The following PPP1R9A variants were observed in gnomAD, a reference collection of about 807,000 sequenced individuals.
PPP1R9A encodes protein phosphatase 1 regulatory subunit 9A.
A neutral mutation model predicts 141.9 loss-of-function variants in PPP1R9A; 59 were observed. The ratio of observed to expected loss-of-function variants is 0.42; its 90% CI spans 0.34 to 0.52. The LOEUF is 0.52. Ranked by LOEUF, PPP1R9A falls within the 20% of genes least tolerant of loss-of-function variation. The probability of loss-of-function intolerance (pLI) is 0.10; values close to 1 mark genes in which losing one functional copy is unlikely to be tolerated. For synonymous variants in PPP1R9A, 500 were observed against 569.7 expected (o/e 0.88, Z 1.74); for missense variants, 1,444 against 1,611.9 (o/e 0.90, Z 1.78).
intron 2 of PPP1R9A, among the ~76,000 whole-genome samples, chr7:94,975,503 T>A (rs541141619): frequency 6.6e-6 from 1 of 152,058 alleles, no homozygotes; most frequent in African/African-American, 2.4e-5. Flanking sequence ...TTGAATCCCT[T>A]GAAATATAAC....
chr7:94,945,876 T>C (rs757118391), intron 2 of PPP1R9A, among the ~76,000 whole-genome samples: 1 of 152,074 alleles, frequency 6.6e-6, no homozygotes, highest in Non-Finnish European at 1.5e-5. Context: ...AATTTTAATA[T>C]ACTTTACTAG....
rs770998027 is a variant in PPP1R9A, at chr7:95,225,979, G to A, written c.1975G>A (p.Asp659Asn). The change falls in exon 8 of 20, where the codon GAT becomes AAT. Residue 659 changes from aspartate to asparagine, a missense_variant. Physicochemically the swap from Asp to Asn is conservative, Grantham distance 23 (BLOSUM62 1). Around this residue, in one of 5 missense-constraint regions of PPP1R9A, gnomAD observed 488 missense variants for 542.0 expected, o/e 0.90. Coordinates refer to ENST00000433360, the MANE Select transcript of PPP1R9A (RefSeq NM_001166160.2). Reference sequence around the variant, plus strand: ...CTTTCAGACAGGAGAATATGCCACAGATGAAGAAGAAGATGAGGTAGGACC... The same window carrying A: ...CTTTCAGACAGGAGAATATGCCACAAATGAAGAAGAAGATGAGGTAGGACC... ...YFLKTGEYAT[D>N]EEEDEVGPVL... 1.9e-6 allele frequency: 3 copies of A among 1,608,114 alleles called. No individual in the cohort carries two copies. In the South Asian group the frequency reaches 3.3e-5, roughly 18 times the overall value.
intron 3 of PPP1R9A, among the ~76,000 whole-genome samples, chr7:95,113,661 T>A (rs2152455418): frequency 6.6e-6 from 1 of 152,290 alleles, no homozygotes; most frequent in African/African-American, 2.4e-5. Context: ...AGGATGGTGA[T>A]CCAAGAATCC....
intron 2 of PPP1R9A, among the ~76,000 whole-genome samples, chr7:94,939,259 T>A (rs1306686169): frequency 6.6e-6 from 1 of 152,078 alleles, no homozygotes; most frequent in Non-Finnish European, 1.5e-5. Flanking sequence ...AATTAATATG[T>A]CAAGACACTT....
intron 2 of PPP1R9A, among the ~76,000 whole-genome samples, chr7:95,008,825 C>A (rs1177183013): frequency 6.6e-6 from 1 of 152,082 alleles, no homozygotes; most frequent in Non-Finnish European, 1.5e-5. Flanking sequence ...GATTATAAAT[C>A]ATGCTACTAT....
chr7:94,944,089 C>T (rs1795624485), intron 2 of PPP1R9A, among the ~76,000 whole-genome samples: 1 of 152,030 alleles, frequency 6.6e-6, no homozygotes, highest in Non-Finnish European at 1.5e-5. Flanking sequence ...TGTATACAAT[C>T]CCTAGTGATC....
intron 2 of PPP1R9A, among the ~76,000 whole-genome samples, chr7:94,932,893 T>A (rs992552508): frequency 2.0e-4 from 31 of 151,646 alleles, no homozygotes; most frequent in African/African-American, 5.8e-4. Context: ...GCAGTAAATA[T>A]ATGTGGAACA....
At chr7:95,296,407 T>C (rs1807106654), downstream of PPP1R9A, 1 of 152,658 alleles carries the variant, frequency 6.6e-6, no homozygotes, top group Non-Finnish European at 1.5e-5. Context: ...CTGAGGTCTG[T>C]TGAAGCAATT....
Position 95,120,764 on chromosome 7 carries a change from T to A in PPP1R9A, c.1581T>A (p.Ala527=). 1.2e-6 allele frequency: 2 copies of A among 1,614,114 alleles called. No individual in the cohort carries two copies. The highest frequency in any genetic ancestry group is 1.7e-6 in the Non-Finnish European group (2 of 1,179,972). Residue 527 remains alanine, a synonymous_variant, in exon 4 of 20, where the codon GCT becomes GCA. Coordinates refer to ENST00000433360, the MANE Select transcript of PPP1R9A (RefSeq NM_001166160.2). ...SIIGMGVGAD[A]GLEKLGIFVK... is the part of the protein sequence containing the mutation. ...TTGGAATGGGTGTTGGAGCAGATGC[T>A]GGACTTGAAAAGCTGGGAATATTCG... is the stretch of plus-strand genomic sequence containing the variant.
chr7:95,044,279 C>G (rs1019817427), intron 2 of PPP1R9A, among the ~76,000 whole-genome samples: 1 of 152,220 alleles, frequency 6.6e-6, no homozygotes, highest in African/African-American at 2.4e-5. Context: ...GGACTTCCCT[C>G]TACTTTCTCC....
chr7:94,988,150 A>G (rs777615578), intron 2 of PPP1R9A, among the ~76,000 whole-genome samples: 31 of 152,230 alleles, frequency 2.0e-4, no homozygotes, highest in Middle Eastern at 6.8e-3. Flanking sequence ...CTTTATTACA[A>G]TTAAAATACC....
In PPP1R9A at chr7:95,282,975, A is replaced by G. The variant is rs538173417; in HGVS notation, c.3297-1043A>G. The stretch of plus-strand genomic sequence containing the variant: ...AGATGTAAGAAGACTGAAATTCAGT[A>G]TACATGTGGTGGGACAGAAGTTGTC... On this transcript the variant is annotated intron_variant, in intron 16 of 19. Transcript: ENST00000433360. Among the ~76,000 whole-genome samples, 4 of 152,324 alleles carry G rather than the reference A, an allele frequency of 2.6e-5. No individual in the cohort carries two copies. The South Asian group carries it at 8.3e-4, about 32-fold the overall frequency.
chr7:95,205,724 A>G (rs772991363), intron 7 of PPP1R9A, among the ~76,000 whole-genome samples: 8 of 152,122 alleles, frequency 5.3e-5, no homozygotes, highest in South Asian at 2.1e-4. Flanking sequence ...TTTAAGTTTC[A>G]TCTCCTTCAC....
At chr7:95,163,782 C>G (rs1422891515) in intron 5 of PPP1R9A, among the ~76,000 whole-genome samples, 1 of 152,076 alleles carries the variant, frequency 6.6e-6, no homozygotes, top group Middle Eastern at 3.2e-3. Context: ...CTCTGTCACC[C>G]AGGCTGGAGT....
chr7:94,912,702 T>C lies in PPP1R9A; in HGVS notation c.1395+1194T>C, dbSNP rs551412895. 2.6e-5 allele frequency among the ~76,000 whole-genome samples: 4 copies of C among 152,354 alleles called. No homozygotes were observed. In the South Asian group the frequency reaches 8.3e-4, roughly 32 times the overall value. ...ACTATTCTGAAATAAAGTAATAATC[T>C]ATGAAATTATTTACAGATGTTAGCA... On this transcript the variant is annotated intron_variant, in intron 2 of 19. Transcript: ENST00000433360.
intron 2 of PPP1R9A, among the ~76,000 whole-genome samples, chr7:95,074,721 G>A (rs1451902371): frequency 6.6e-6 from 1 of 152,058 alleles, no homozygotes; most frequent in East Asian, 1.9e-4. Context: ...TGATCCACCC[G>A]TCTCGGCCTC....
At chr7:95,008,755 T>C (rs892166738) in intron 2 of PPP1R9A, among the ~76,000 whole-genome samples, 7 of 152,136 alleles carry the variant, frequency 4.6e-5, no homozygotes, top group Non-Finnish European at 1.0e-4. Context: ...CTTGGTATCA[T>C]GGTCACACCT....
intron 16 of PPP1R9A, among the ~76,000 whole-genome samples, chr7:95,277,950 A>G (rs1371666540): frequency 6.6e-6 from 1 of 152,202 alleles, no homozygotes; most frequent in African/African-American, 2.4e-5. Context: ...AGATGTGTGT[A>G]TCTCAGATGG....
intron 2 of PPP1R9A, among the ~76,000 whole-genome samples, chr7:95,067,478 A>G (rs750754924): frequency 6.6e-6 from 1 of 152,224 alleles, no homozygotes; most frequent in African/African-American, 2.4e-5. Context: ...GAATTAGTGA[A>G]TGTACACCAA....
Sources: gnomAD v4.1 joint callset for allele counts (sites outside exome capture counted in the v4.1 genomes callset) on GRCh38, gnomAD v4.1.1 for gene constraint, gnomAD v4.1.1 regional missense constraint, MANE v1.5 for transcripts, NCBI Gene and HGNC (gene_info 2026-07-23, HGNC 2026-07-21) for gene names.